The following XKR3 variants were observed in gnomAD, a reference collection of about 807,000 sequenced individuals.
The protein encoded by XKR3 is XK-related protein 3.
XKR3 carries 27 observed loss-of-function variants against 40.3 expected under a neutral mutation model. The ratio of observed to expected loss-of-function variants is 0.67; its 90% CI spans 0.49 to 0.92. The LOEUF (loss-of-function observed/expected upper bound fraction) is 0.92, where lower values mean the gene tolerates loss of function less well. Among genes scored for constraint, XKR3 ranks in the 40% least tolerant of loss-of-function variants. The pLI, the probability that XKR3 is intolerant of heterozygous loss-of-function variation, is 0.00. For missense variants in XKR3, 472 were observed against 537.6 expected, an observed-to-expected ratio of 0.88 and a Z score of 1.21; for synonymous variants, 193 against 195.4, an observed-to-expected ratio of 0.99 and a Z score of 0.10.
At chr22:16,813,206 C>A (rs567458171) in intron 1 of XKR3, among the ~76,000 whole-genome samples, 22 of 152,040 alleles carry the variant, frequency 1.4e-4, no homozygotes, top group African/African-American at 5.3e-4. Flanking sequence ...ATGGCGTGAA[C>A]CTGGGAGACG....
chr22:16,818,813 G>C (rs1601852565), intron 1 of XKR3, among the ~76,000 whole-genome samples: 1 of 152,160 alleles, frequency 6.6e-6, no homozygotes, highest in East Asian at 1.9e-4. Context: ...CAACAATAGT[G>C]GTTAAAGAGC....
intron 3 of XKR3, among the ~76,000 whole-genome samples, chr22:16,799,124 T>G (rs2060155220): frequency 6.6e-6 from 1 of 152,088 alleles, no homozygotes; most frequent in Non-Finnish European, 1.5e-5. Flanking sequence ...TTAAAAGCAA[T>G]GCTGTTTGGC....
intron 1 of XKR3, 64 bp from the exon 2 acceptor site, chr22:16,808,147 G>A: frequency 1.6e-6 from 2 of 1,230,966 alleles, no homozygotes; most frequent in South Asian, 3.2e-5. Context: ...TTAAACAGAA[G>A]TAAACAAGAT....
intron 1 of XKR3, among the ~76,000 whole-genome samples, chr22:16,811,910 G>A (rs377732466): frequency 9.4e-4 from 143 of 152,248 alleles, no homozygotes; most frequent in African/African-American, 3.3e-3. Context: ...TCAGGAGGCT[G>A]AGGCAGGAGA....
At chr22:16,808,545 G>C (rs1388115962) in intron 1 of XKR3, among the ~76,000 whole-genome samples, 1 of 152,196 alleles carries the variant, frequency 6.6e-6, no homozygotes, top group Non-Finnish European at 1.5e-5. Context: ...ATACAGAATA[G>C]TGAGGCCTTT....
chr22:16,816,179 A>G (rs1355083898), intron 1 of XKR3, among the ~76,000 whole-genome samples: 3 of 151,912 alleles, frequency 2.0e-5, no homozygotes, highest in African/African-American at 4.8e-5. Flanking sequence ...TCTTATCTAC[A>G]TAATATCTGA....
Position 16,814,227 on chromosome 22 carries a change from C to T in XKR3, c.-10-6144G>A, listed in dbSNP as rs9618889. On this transcript the variant is annotated intron_variant, in intron 1 of 3. Transcript: ENST00000684488. ...ATAACTGTGGTAAAAGACAGGGTTCCAACTTCACATGAATATCTAGTTGTC... is the reference window on the plus strand; with the variant it reads ...ATAACTGTGGTAAAAGACAGGGTTCTAACTTCACATGAATATCTAGTTGTC... Among the ~76,000 whole-genome samples the T allele has an allele frequency of 9.9e-3, 1,511 of 152,184 alleles. 37 individuals are homozygous for T. The highest frequency in any genetic ancestry group is 0.035 in the African/African-American group (1,445 of 41,544).
intron 3 of XKR3, among the ~76,000 whole-genome samples, chr22:16,793,420 A>G (rs1382323250): frequency 2.6e-5 from 4 of 152,268 alleles, no homozygotes; most frequent in African/African-American, 4.8e-5. Context: ...TGCATTTTAA[A>G]TAATTTTGCG....
intron 1 of XKR3, among the ~76,000 whole-genome samples, chr22:16,816,978 A>G (rs1264280129): frequency 6.6e-6 from 1 of 152,068 alleles, no homozygotes; most frequent in Non-Finnish European, 1.5e-5. Context: ...TCAGCAAACT[A>G]TCAAATTTCA....
chr22:16,786,427 G>A (rs1474783472), intron 3 of XKR3, among the ~76,000 whole-genome samples: 1 of 152,202 alleles, frequency 6.6e-6, no homozygotes, highest in Non-Finnish European at 1.5e-5. Context: ...CACTTTGGGA[G>A]GATGATATCA....
At chr22:16,792,649 C>G (rs1312771774) in intron 3 of XKR3, among the ~76,000 whole-genome samples, 28 of 152,314 alleles carry the variant, frequency 1.8e-4, no homozygotes, top group Non-Finnish European at 3.5e-4. Context: ...CAAACAACTT[C>G]TTAGTCTTAG....
chr22:16,792,235 C>T (rs1249036200), intron 3 of XKR3, among the ~76,000 whole-genome samples: 1 of 152,138 alleles, frequency 6.6e-6, no homozygotes, highest in Non-Finnish European at 1.5e-5. Context: ...TGTGAGCCAC[C>T]ATGCCCGGCC....
At chr22:16,815,667 T>C (rs2060230278) in intron 1 of XKR3, among the ~76,000 whole-genome samples, 1 of 151,956 alleles carries the variant, frequency 6.6e-6, no homozygotes, top group Non-Finnish European at 1.5e-5. Context: ...GTAGCAACAT[T>C]TATATACATA....
In XKR3 at chr22:16,790,892, G is replaced by A. The variant is rs185713206; in HGVS notation, c.590-6483C>T. On this transcript the variant is annotated intron_variant, in intron 3 of 3. Coordinates refer to ENST00000684488, the MANE Select transcript of XKR3 (RefSeq NM_001386955.1). ...TAAAGAATAAAAAGAAAAAAGAAAC[G>A]TTGAAAAAAAAAAAAGAATATGGAG... is the stretch of plus-strand genomic sequence containing the variant. Among the ~76,000 whole-genome samples the A allele has an allele frequency of 8.7e-4, 62 of 70,908 alleles. 1 individual carries two copies. The East Asian group carries it at 0.013, about 15-fold the overall frequency. The allele number at this position is 70,908 out of a possible 152,430, so 46.5% of individuals were successfully genotyped here.
intron 3 of XKR3, among the ~76,000 whole-genome samples, chr22:16,798,954 C>T (rs1213281152): frequency 2.0e-5 from 3 of 152,150 alleles, no homozygotes; most frequent in Non-Finnish European, 4.4e-5. Flanking sequence ...CAGTATCTCA[C>T]AATATTCCCA....
intron 3 of XKR3, among the ~76,000 whole-genome samples, chr22:16,796,431 C>A (rs1392590462): frequency 2.2e-4 from 34 of 152,264 alleles, no homozygotes; most frequent in African/African-American, 8.2e-4. Context: ...CAATATCCCT[C>A]ATGAACACAG....
intron 3 of XKR3, 137 bp from the exon 4 acceptor site, chr22:16,784,546 G>C: frequency 1.1e-6 from 1 of 884,242 alleles, no homozygotes; most frequent in South Asian, 1.9e-5. Flanking sequence ...TAAAAAGAAA[G>C]GTTTGTTAAT....
chr22:16,790,542 G>A (rs1362798967), intron 3 of XKR3, among the ~76,000 whole-genome samples: 5 of 152,032 alleles, frequency 3.3e-5, no homozygotes, highest in African/African-American at 1.2e-4. Context: ...CACGCACTGT[G>A]GCCCATTAGA....
At chr22:16,810,535 C>A (rs186257363) in intron 1 of XKR3, among the ~76,000 whole-genome samples, 1 of 152,308 alleles carries the variant, frequency 6.6e-6, no homozygotes, top group East Asian at 1.9e-4. Context: ...TAGTGATCCC[C>A]TACCTTCCTC....
Sources: gnomAD v4.1 joint callset for allele counts (sites outside exome capture counted in the v4.1 genomes callset) on GRCh38, gnomAD v4.1.1 for gene constraint, MANE v1.5 for transcripts, NCBI Gene and HGNC (gene_info 2026-07-23, HGNC 2026-07-21) for gene names.